ATP8A2: variants seen among roughly 807,000 people sequenced by gnomAD.
ATP8A2 encodes phospholipid-transporting ATPase IB.
A neutral mutation model predicts 165.6 loss-of-function variants in ATP8A2; 100 were observed. The observed-to-expected ratio is 0.60, with a 90% CI of 0.51 to 0.71. The LOEUF (loss-of-function observed/expected upper bound fraction) is 0.71, where lower values mean the gene tolerates loss of function less well. ATP8A2 is among the 30% of genes least tolerant of loss of function. The pLI, the probability that ATP8A2 is intolerant of heterozygous loss-of-function variation, is 0.00. For missense variants in ATP8A2, 1,227 were observed against 1,479.5 expected, an observed-to-expected ratio of 0.83 and a Z score of 2.80; for synonymous variants, 543 against 548.8, an observed-to-expected ratio of 0.99 and a Z score of 0.15.
intron 35 of ATP8A2, among the ~76,000 whole-genome samples, chr13:25,985,604 C>G (rs953858591): frequency 1.3e-5 from 2 of 152,220 alleles, no homozygotes; most frequent in Non-Finnish European, 2.9e-5. Flanking sequence ...CAGTCTCTTT[C>G]CATCTTTTCA....
At chr13:25,905,102 G>A (rs1593536168) in intron 33 of ATP8A2, among the ~76,000 whole-genome samples, 1 of 150,748 alleles carries the variant, frequency 6.6e-6, no homozygotes, top group Non-Finnish European at 1.5e-5. Context: ...GTCACCCATT[G>A]TCATGTTATT....
chr13:25,834,792 A>G (rs1951561932), intron 28 of ATP8A2, among the ~76,000 whole-genome samples: 1 of 152,188 alleles, frequency 6.6e-6, no homozygotes, highest in Non-Finnish European at 1.5e-5. Flanking sequence ...CTTTCACCTC[A>G]GCTTCCCAAG....
At chr13:25,873,665 G>A (rs534256341) in intron 33 of ATP8A2, among the ~76,000 whole-genome samples, 90 of 144,778 alleles carry the variant, frequency 6.2e-4, no homozygotes, top group African/African-American at 2.2e-3. Context: ...TTGAGATGGA[G>A]TCTCGCTCTG....
chr13:25,909,591 A>G (rs1593542934), intron 33 of ATP8A2, among the ~76,000 whole-genome samples: 1 of 152,336 alleles, frequency 6.6e-6, no homozygotes, highest in South Asian at 2.1e-4. Context: ...ACTTCCTTGA[A>G]AAGGAAATCC....
chr13:25,568,205 G>A (rs999023974), intron 16 of ATP8A2, among the ~76,000 whole-genome samples: 1 of 152,078 alleles, frequency 6.6e-6, no homozygotes, highest in Non-Finnish European at 1.5e-5. Context: ...GAGAAATTTC[G>A]GAGGACAATT....
intron 33 of ATP8A2, among the ~76,000 whole-genome samples, chr13:25,873,519 A>G (rs1952735551): frequency 6.6e-6 from 1 of 152,090 alleles, no homozygotes; most frequent in South Asian, 2.1e-4. Flanking sequence ...TCTAAGCAAG[A>G]TTATTATTTA....
chr13:25,526,612 G>A (rs146372066), intron 2 of ATP8A2, among the ~76,000 whole-genome samples: 1 of 152,296 alleles, frequency 6.6e-6, no homozygotes, highest in Middle Eastern at 3.4e-3. Context: ...TGCCAAAGGG[G>A]ATAGCCTAGC....
chr13:25,593,235 G>A (rs1287803434), intron 24 of ATP8A2, among the ~76,000 whole-genome samples: 1 of 152,132 alleles, frequency 6.6e-6, no homozygotes, highest in African/African-American at 2.4e-5. Context: ...ATGCAGATGG[G>A]ACAGGGACAC....
chr13:25,637,853 C>CTG (rs2137547722), intron 24 of ATP8A2, among the ~76,000 whole-genome samples: 1 of 152,286 alleles, frequency 6.6e-6, no homozygotes, highest in South Asian at 2.1e-4. Flanking sequence ...TGGGAGGCAT[C>CTG]CCCAAGTAGG....
chr13:25,905,722 A>G (rs1432467953), intron 33 of ATP8A2, among the ~76,000 whole-genome samples: 1 of 151,892 alleles, frequency 6.6e-6, no homozygotes, highest in Non-Finnish European at 1.5e-5. Flanking sequence ...CTGCCAGCTG[A>G]CCTCTTGCCT....
rs2032459226 is a variant in ATP8A2 at position 25,372,689 on chromosome 13, C to T, written c.76+401C>T. Among the ~76,000 whole-genome samples, 1 of 152,214 alleles carries T rather than the reference C, an allele frequency of 6.6e-6. No homozygotes were observed. The highest frequency in any genetic ancestry group is 1.5e-5 in the Non-Finnish European group (1 of 68,032). On this transcript the variant is annotated intron_variant, in intron 1 of 36. Transcript: ENST00000381655. This position sits in a 1 kb window ranked among gnomAD's most constrained non-coding sequence, Gnocchi z 4.8. Reference sequence around the variant, plus strand: ...CGGCGCAGAGAAGATGCAGCCTTCCCTGCCGGCGGCCGGCACCGCTGTGCT... The same window carrying T: ...CGGCGCAGAGAAGATGCAGCCTTCCTTGCCGGCGGCCGGCACCGCTGTGCT...
chr13:25,631,853 C>G (rs2041247550), intron 24 of ATP8A2, among the ~76,000 whole-genome samples: 1 of 151,716 alleles, frequency 6.6e-6, no homozygotes, highest in Non-Finnish European at 1.5e-5. Flanking sequence ...CTTCTAACAC[C>G]AGAAATGTGG....
intron 1 of ATP8A2, among the ~76,000 whole-genome samples, chr13:25,413,620 G>A (rs1004306039): frequency 6.6e-6 from 1 of 152,152 alleles, no homozygotes; most frequent in African/African-American, 2.4e-5. Context: ...GAGCTTAGTT[G>A]CTATTTCTGA....
chr13:25,971,767 A>G (rs947771907), intron 35 of ATP8A2, among the ~76,000 whole-genome samples: 1 of 152,094 alleles, frequency 6.6e-6, no homozygotes, highest in African/African-American at 2.4e-5. Flanking sequence ...ATTGCTTGAG[A>G]GTACAGCTAA....
intron 10 of ATP8A2, among the ~76,000 whole-genome samples, chr13:25,548,057 TC>T (rs970873377): frequency 6.6e-6 from 1 of 152,046 alleles, no homozygotes; most frequent in African/African-American, 2.4e-5. Context: ...GACCCCTGTC[TC>T]TACTAAAAAT....
intron 24 of ATP8A2, among the ~76,000 whole-genome samples, chr13:25,657,203 G>A (rs769910397): frequency 1.3e-5 from 2 of 152,102 alleles, no homozygotes; most frequent in African/African-American, 4.8e-5. Context: ...AATGAGTTTG[G>A]TGTTCAGGTC....
chr13:25,377,955 C>CA (rs1475554811), intron 1 of ATP8A2, among the ~76,000 whole-genome samples: 1 of 152,038 alleles, frequency 6.6e-6, no homozygotes, highest in Non-Finnish European at 1.5e-5. Flanking sequence ...CCCATCTCTA[C>CA]AAAAAAATTA....
chr13:25,731,510 C>T (rs1041183360), intron 25 of ATP8A2, among the ~76,000 whole-genome samples: 1 of 147,792 alleles, frequency 6.8e-6, no homozygotes, highest in Non-Finnish European at 1.5e-5. Context: ...TCTTCCCAAA[C>T]ACTTTTGGCC....
At chr13:25,623,356 A>T (rs989491619) in intron 24 of ATP8A2, among the ~76,000 whole-genome samples, 2 of 152,148 alleles carry the variant, frequency 1.3e-5, no homozygotes, top group African/African-American at 4.8e-5. Context: ...TGGTCATGCC[A>T]CTGCATTCCA....
Sources: allele counts gnomAD v4.1 joint callset (sites outside exome capture counted in the v4.1 genomes callset), GRCh38; gene constraint gnomAD v4.1.1; non-coding constraint Gnocchi (gnomAD v3.1); transcripts MANE v1.5; gene names NCBI Gene and HGNC (gene_info 2026-07-23, HGNC 2026-07-21).